Variants in GRIA1 observed in about 807,000 individuals in gnomAD.
GRIA1 encodes the protein glutamate ionotropic receptor AMPA type subunit 1, also known as glutamate receptor 1.
Under a neutral mutation model 99.2 loss-of-function variants are expected in GRIA1, and 31 were observed. The ratio of observed to expected loss-of-function variants is 0.31; its 90% CI spans 0.23 to 0.42. The LOEUF is 0.42. Ranked by LOEUF, GRIA1 falls within the 10% of genes least tolerant of loss-of-function variation. GRIA1 has a pLI of 1.00. For missense variants in GRIA1, 782 were observed against 1,157.5 expected (o/e 0.68, Z 4.71); for synonymous variants, 438 against 432.4 (o/e 1.01, Z -0.16).
intron 2 of GRIA1, among the ~76,000 whole-genome samples, chr5:153,562,444 T>C (rs76383244): frequency 0.013 from 1,929 of 152,308 alleles, 50 homozygotes; most frequent in African/African-American, 0.044. Context: ...TCAGCCTTTA[T>C]GGAATGCTCA....
intron 2 of GRIA1, among the ~76,000 whole-genome samples, chr5:153,498,951 C>A (rs1452831078): frequency 6.6e-6 from 1 of 152,156 alleles, no homozygotes; most frequent in African/African-American, 2.4e-5. Context: ...ATATCGTCAG[C>A]ATTCATCATT....
rs979306410 is a variant in GRIA1, at chr5:153,724,867, C to T, written c.1823+18800C>T. Among the ~76,000 whole-genome samples the T allele has an allele frequency of 5.9e-5, 9 of 152,028 alleles. No homozygotes were observed. In the South Asian group the frequency reaches 8.3e-4, roughly 14 times the overall value. ...AACTTCCCCAATCTAGCAAGGCAGGCCAACATTCAGATTCAGGAAATACAG... is the reference window on the plus strand; with the variant it reads ...AACTTCCCCAATCTAGCAAGGCAGGTCAACATTCAGATTCAGGAAATACAG... On this transcript the variant is annotated intron_variant, in intron 11 of 15. Coordinates refer to ENST00000285900, the MANE Select transcript of GRIA1 (RefSeq NM_000827.4).
chr5:153,502,993 T>C (rs1225314362), intron 2 of GRIA1, among the ~76,000 whole-genome samples: 4 of 152,206 alleles, frequency 2.6e-5, no homozygotes, highest in African/African-American at 2.4e-5. Context: ...TATAACATGA[T>C]TTTTTGCATA....
At chr5:153,561,671 T>A (rs1761137650) in intron 2 of GRIA1, among the ~76,000 whole-genome samples, 1 of 152,218 alleles carries the variant, frequency 6.6e-6, no homozygotes, top group Non-Finnish European at 1.5e-5. Context: ...AGTTAATTCA[T>A]GTTGTTTATT....
intron 2 of GRIA1, among the ~76,000 whole-genome samples, chr5:153,510,486 T>G (rs1755957840): frequency 6.6e-6 from 1 of 152,156 alleles, no homozygotes; most frequent in Non-Finnish European, 1.5e-5. Context: ...CGATTGCAGA[T>G]GAGAACAGAA....
intron 2 of GRIA1, among the ~76,000 whole-genome samples, chr5:153,644,681 AC>A (rs1754009848): frequency 6.6e-6 from 1 of 152,080 alleles, no homozygotes; most frequent in Non-Finnish European, 1.5e-5. Flanking sequence ...TGTGATACAG[AC>A]TGATGAGGGG....
At chr5:153,501,105 C>T (rs1478526524) in intron 2 of GRIA1, among the ~76,000 whole-genome samples, 3 of 152,208 alleles carry the variant, frequency 2.0e-5, no homozygotes, top group African/African-American at 7.2e-5. Flanking sequence ...CTAGACTTCC[C>T]TTCCACCAAC....
chr5:153,519,973 C>T (rs752493098), intron 2 of GRIA1, among the ~76,000 whole-genome samples: 1 of 152,112 alleles, frequency 6.6e-6, no homozygotes, highest in Non-Finnish European at 1.5e-5. Context: ...ATCTGTTAAT[C>T]TGCCTGTCCA....
At chr5:153,597,231 T>C (rs752363818) in intron 2 of GRIA1, among the ~76,000 whole-genome samples, 68 of 152,230 alleles carry the variant, frequency 4.5e-4, no homozygotes, top group Admixed American at 3.3e-3. Flanking sequence ...TCTTTTCCTT[T>C]GTATACTTCA....
At chr5:153,524,597 A>G (rs1043762715) in intron 2 of GRIA1, among the ~76,000 whole-genome samples, 2 of 152,206 alleles carry the variant, frequency 1.3e-5, no homozygotes, top group African/African-American at 4.8e-5. Context: ...TTAGAATTGA[A>G]TTAATTTGTG....
intron 2 of GRIA1, among the ~76,000 whole-genome samples, chr5:153,640,972 C>T (rs1043988917): frequency 3.9e-5 from 6 of 151,926 alleles, no homozygotes; most frequent in Non-Finnish European, 5.9e-5. Context: ...ATTATATCTA[C>T]GATACAAGAG....
At chr5:153,541,041 G>A (rs1013313464) in intron 2 of GRIA1, among the ~76,000 whole-genome samples, 1 of 152,150 alleles carries the variant, frequency 6.6e-6, no homozygotes, top group African/African-American at 2.4e-5. Context: ...CTTCTCTTCA[G>A]CCTAACTGCA....
At chr5:153,621,714 T>C (rs960308163) in intron 2 of GRIA1, among the ~76,000 whole-genome samples, 1 of 152,126 alleles carries the variant, frequency 6.6e-6, no homozygotes, top group Non-Finnish European at 1.5e-5. Flanking sequence ...TGTGATAATA[T>C]GGATGAAGGC....
At chr5:153,567,389 G>C (rs1349085520) in intron 2 of GRIA1, among the ~76,000 whole-genome samples, 1 of 152,224 alleles carries the variant, frequency 6.6e-6, no homozygotes, top group Non-Finnish European at 1.5e-5. Flanking sequence ...TGTCCAGGGT[G>C]GGGAGGCAGC....
intron 2 of GRIA1, among the ~76,000 whole-genome samples, chr5:153,609,081 A>G (rs1212538505): frequency 1.3e-5 from 2 of 152,074 alleles, no homozygotes; most frequent in East Asian, 3.9e-4. Context: ...TGCAATCACC[A>G]TATTTTGGTC....
chr5:153,605,542 T>A (rs1765367681), intron 2 of GRIA1, among the ~76,000 whole-genome samples: 1 of 152,212 alleles, frequency 6.6e-6, no homozygotes, highest in Non-Finnish European at 1.5e-5. Context: ...AATGTTCAGC[T>A]TTAATAGATA....
intron 15 of GRIA1, among the ~76,000 whole-genome samples, chr5:153,804,506 T>C (rs1054292038): frequency 3.3e-5 from 5 of 152,054 alleles, no homozygotes; most frequent in African/African-American, 1.2e-4. Context: ...CTCAAAACCT[T>C]CTCTATAGAC....
intron 2 of GRIA1, among the ~76,000 whole-genome samples, chr5:153,621,524 C>T (rs770065951): frequency 6.6e-6 from 1 of 152,124 alleles, no homozygotes; most frequent in Non-Finnish European, 1.5e-5. Context: ...ACATCAGAAA[C>T]CATGTGGTAT....
chr5:153,606,533 GTA>G (rs1765452972), intron 2 of GRIA1, among the ~76,000 whole-genome samples: 1 of 151,878 alleles, frequency 6.6e-6, no homozygotes, highest in Non-Finnish European at 1.5e-5. Flanking sequence ...CCAGAGCATA[GTA>G]TATTGCTTCA....
Sources: allele counts gnomAD v4.1 joint callset (sites outside exome capture counted in the v4.1 genomes callset), GRCh38; gene constraint gnomAD v4.1.1; transcripts MANE v1.5; gene names NCBI Gene and HGNC (gene_info 2026-07-23, HGNC 2026-07-21).